The following ASTN2 variants were observed in gnomAD, a reference collection of about 807,000 sequenced individuals.
ASTN2 encodes the protein astrotactin 2.
Under a neutral mutation model 139.8 loss-of-function variants are expected in ASTN2, and 54 were observed. That is an observed-to-expected ratio of 0.39 (90% confidence interval 0.31 to 0.48). The LOEUF is 0.48. Among genes scored for constraint, ASTN2 ranks in the 20% least tolerant of loss-of-function variants. ASTN2 has a pLI of 0.95. For missense variants in ASTN2, 1,565 were observed against 1,725.1 expected (o/e 0.91, Z 1.64); for synonymous variants, 756 against 719.5 (o/e 1.05, Z -0.81).
intron 20 of ASTN2, among the ~76,000 whole-genome samples, chr9:116,452,705 A>G (rs1276508064): frequency 1.3e-5 from 2 of 152,230 alleles, no homozygotes; most frequent in African/African-American, 2.4e-5. Context: ...CCAGGCCCCA[A>G]CATAGGTCTA....
intron 19 of ASTN2, among the ~76,000 whole-genome samples, chr9:116,538,957 A>C (rs1477842857): frequency 6.6e-6 from 1 of 152,242 alleles, no homozygotes; most frequent in Non-Finnish European, 1.5e-5. Context: ...CATTCATTAA[A>C]ACTTGAAAGA....
intron 19 of ASTN2, among the ~76,000 whole-genome samples, chr9:116,524,703 T>A (rs1291146072): frequency 6.6e-6 from 1 of 152,206 alleles, no homozygotes; most frequent in African/African-American, 2.4e-5. Context: ...TGAAAACTTA[T>A]TAGTACCTTT....
intron 22 of ASTN2, among the ~76,000 whole-genome samples, chr9:116,431,972 G>A (rs1287832400): frequency 2.6e-5 from 4 of 151,058 alleles, no homozygotes; most frequent in African/African-American, 7.3e-5. Context: ...ATGTGGCAGC[G>A]GGTTCCTCAT....
chr9:117,403,652 TC>T (rs1006607153), intron 1 of ASTN2, among the ~76,000 whole-genome samples: 74 of 152,188 alleles, frequency 4.9e-4, no homozygotes, highest in African/African-American at 1.7e-3. Context: ...AAATGTTCCT[TC>T]CCTTTTCGGC....
intron 3 of ASTN2, among the ~76,000 whole-genome samples, chr9:117,210,294 T>C (rs2133012069): frequency 6.6e-6 from 1 of 151,978 alleles, no homozygotes; most frequent in South Asian, 2.1e-4. Context: ...GATGAACTAA[T>C]AGCTAGACAA....
rs561855685 is a variant in ASTN2, at chr9:117,032,215, G to A, written c.1423+7604C>T. On this transcript the variant is annotated intron_variant, in intron 6 of 22. Transcript: ENST00000313400. ...TTTTCTAGAGGAGGGAGCAAACTAA[G>A]TTATGCCTTAGAGATGGGTGAGACT... Among the ~76,000 whole-genome samples the A allele has an allele frequency of 2.0e-5, 3 of 152,230 alleles. No individual in the cohort carries two copies. In the South Asian group the frequency reaches 6.2e-4, roughly 32 times the overall value.
At chr9:117,255,529 T>C (rs1159530135) in intron 2 of ASTN2, among the ~76,000 whole-genome samples, 1 of 152,148 alleles carries the variant, frequency 6.6e-6, no homozygotes, top group Non-Finnish European at 1.5e-5. Flanking sequence ...AAACTGCAGG[T>C]TCTTTACTTC....
At chr9:116,969,264 GT>G (rs1836113306) in intron 10 of ASTN2, among the ~76,000 whole-genome samples, 1 of 152,170 alleles carries the variant, frequency 6.6e-6, no homozygotes, top group African/African-American at 2.4e-5. Flanking sequence ...TCCAAACCTG[GT>G]TCTATTACTT....
In ASTN2 at chr9:117,414,825, G is replaced by A; in HGVS notation, c.114C>T (p.Phe38=). 2 of 1,198,234 alleles carry A rather than the reference G, an allele frequency of 1.7e-6. No homozygotes were observed. The highest frequency in any genetic ancestry group is 1.6e-5 in the African/African-American group (1 of 61,730). The allele number at this position is 1,198,234 out of a possible 1,614,324, so 74.2% of individuals were successfully genotyped here. A position where few individuals can be genotyped will look rare whatever the true frequency, so the allele number is the denominator to read the frequency against. ...PPPLLPLLLL[F]LLLLPPPPLL... ...GCGGCGGCGGCGGCAGCAGGAGCAG[G>A]AACAGCAGCAGCAGCGGCAGCAGTG... is the stretch of plus-strand genomic sequence containing the variant. Residue 38 remains phenylalanine, a synonymous_variant, in exon 1 of 23, where the codon TTC becomes TTT. Coordinates refer to ENST00000313400, the MANE Select transcript of ASTN2 (RefSeq NM_001365068.1). The surrounding 1 kb of genome is among the most constrained non-coding windows in gnomAD (Gnocchi z 4.2).
At chr9:116,478,661 G>A (rs1354489849) in intron 20 of ASTN2, among the ~76,000 whole-genome samples, 1 of 152,104 alleles carries the variant, frequency 6.6e-6, no homozygotes, top group African/African-American at 2.4e-5. Context: ...CAGTTGCCAG[G>A]GGCTGGTGTC....
intron 2 of ASTN2, among the ~76,000 whole-genome samples, chr9:117,219,831 A>G (rs1832456185): frequency 6.6e-6 from 1 of 152,116 alleles, no homozygotes; most frequent in Admixed American, 6.5e-5. Context: ...TATTACTGAC[A>G]GTGAGTCTCA....
At chr9:117,368,940 C>T (rs888677764) in intron 1 of ASTN2, among the ~76,000 whole-genome samples, 4 of 152,108 alleles carry the variant, frequency 2.6e-5, no homozygotes, top group African/African-American at 7.2e-5. Context: ...TCTGCTTGAA[C>T]TTAGGTCAAG....
rs771019710 is a variant in ASTN2 at position 117,096,103 on chromosome 9, T to C, written c.1217A>G (p.Asp406Gly). 6.2e-7 allele frequency: 1 copy of C among 1,614,104 alleles called. No individual in the cohort carries two copies. Among genetic ancestry groups the C allele is most frequent in the Non-Finnish European group, 8.5e-7 (1 of 1,179,992 alleles). Residue 406 changes from aspartate to glycine, a missense_variant, in exon 5 of 23, where the codon GAC becomes GGC. By Grantham distance (94) the Asp-to-Gly change is moderately conservative. This residue lies in a region of ASTN2 where 596 missense variants were observed against 576.8 expected (regional missense o/e 1.03). Coordinates refer to ENST00000313400, the MANE Select transcript of ASTN2 (RefSeq NM_001365068.1). ...RAKGTSGSEA[D>G]DETQLTFYTE... ...GTAGAATGTCAGCTGAGTTTCATCG[T>C]CTGCCTCTGAGCCCGACGTCCCCTT...
chr9:116,461,081 C>T (rs1848472188), intron 20 of ASTN2, among the ~76,000 whole-genome samples: 1 of 151,980 alleles, frequency 6.6e-6, no homozygotes, highest in Non-Finnish European at 1.5e-5. Flanking sequence ...TAATTTCTCC[C>T]CAGTTCCTTC....
chr9:117,324,697 T>C (rs556042109), intron 1 of ASTN2, among the ~76,000 whole-genome samples: 2 of 152,138 alleles, frequency 1.3e-5, no homozygotes, highest in East Asian at 3.9e-4. Context: ...GCAATCCCAG[T>C]ACATAGATTT....
At position 117,271,588 on chromosome 9, in the gene ASTN2, T is replaced by C. The variant is rs1427694881; in HGVS notation, c.630+19738A>G. Among the ~76,000 whole-genome samples the C allele has an allele frequency of 3.3e-5, 5 of 152,286 alleles. No homozygotes were observed. The East Asian group carries it at 9.7e-4, about 29-fold the overall frequency. On this transcript the variant is annotated intron_variant, in intron 2 of 22. Coordinates refer to ENST00000313400, the MANE Select transcript of ASTN2 (RefSeq NM_001365068.1). ...TGAAACAAGGTAAGTCCCTTCCACC[T>C]ATGAGCCTGTAAAATCAAAAGCAAG...
intron 16 of ASTN2, among the ~76,000 whole-genome samples, chr9:116,723,411 G>T (rs1246334643): frequency 6.6e-6 from 1 of 152,080 alleles, no homozygotes; most frequent in Non-Finnish European, 1.5e-5. Context: ...GAGGTTACCT[G>T]CCAGGTGTGT....
chr9:117,254,877 T>C (rs931651070), intron 2 of ASTN2, among the ~76,000 whole-genome samples: 2 of 152,226 alleles, frequency 1.3e-5, no homozygotes, highest in Non-Finnish European at 2.9e-5. Flanking sequence ...TTTTATGCCC[T>C]CTTCTATTTT....
chr9:117,176,623 A>C (rs1830924551), intron 3 of ASTN2, among the ~76,000 whole-genome samples: 1 of 152,196 alleles, frequency 6.6e-6, no homozygotes, highest in South Asian at 2.1e-4. Context: ...AGCCAAGGGA[A>C]AGATCAGCGC....
Sources: gnomAD v4.1 joint callset for allele counts (sites outside exome capture counted in the v4.1 genomes callset) on GRCh38, gnomAD v4.1.1 for gene constraint, gnomAD v4.1.1 regional missense constraint, Gnocchi (gnomAD v3.1) non-coding constraint, MANE v1.5 for transcripts, NCBI Gene and HGNC (gene_info 2026-07-23, HGNC 2026-07-21) for gene names.